ROS1: variants seen among roughly 807,000 people sequenced by gnomAD.
ROS1 encodes the protein proto-oncogene tyrosine-protein kinase ROS.
In ROS1, 263 loss-of-function variants were observed where a neutral mutation model predicts 273.5. The observed-to-expected ratio is 0.96, with a 90% CI of 0.87 to 1.06. ROS1 has a LOEUF of 1.06. Among genes scored for constraint, ROS1 ranks in the 50% least tolerant of loss-of-function variants. The probability of loss-of-function intolerance (pLI) is 0.00; values close to 1 mark genes in which losing one functional copy is unlikely to be tolerated. For synonymous variants in ROS1, 1,008 were observed against 954.1 expected (o/e 1.06, Z -1.04); for missense variants, 2,833 against 2,751.1 (o/e 1.03, Z -0.67).
chr6:117,331,387 G>A (rs529509521), intron 32 of ROS1, among the ~76,000 whole-genome samples: 42 of 152,256 alleles, frequency 2.8e-4, no homozygotes, highest in Non-Finnish European at 4.9e-4. Flanking sequence ...GGAGGAGATG[G>A]GGAAAATGGA....
intron 33 of ROS1, 147 bp from the exon 34 acceptor site, chr6:117,326,561 A>G (rs2128582917): frequency 3.7e-6 from 2 of 544,930 alleles, no homozygotes; most frequent in South Asian, 5.6e-5. Flanking sequence ...TAATCTGGCA[A>G]CACAGATGCT....
chr6:117,333,266 C>T (rs765565554), intron 32 of ROS1, among the ~76,000 whole-genome samples: 6 of 152,058 alleles, frequency 3.9e-5, no homozygotes, highest in Non-Finnish European at 8.8e-5. Context: ...GGATACATTC[C>T]TGGATGCATA....
intron 22 of ROS1, among the ~76,000 whole-genome samples, chr6:117,360,861 T>C (rs933361316): frequency 7.9e-5 from 12 of 152,096 alleles, no homozygotes; most frequent in Non-Finnish European, 1.8e-4. Flanking sequence ...TTAACAGAAA[T>C]AAAACTGTAC....
chr6:117,337,397 C>A, intron 31 of ROS1, 57 bp from the exon 32 acceptor site: 2 of 1,368,450 alleles, frequency 1.5e-6, no homozygotes, highest in Non-Finnish European at 2.0e-6. Flanking sequence ...ATTCTTAAAA[C>A]ACAAAAATGT....
At chr6:117,402,690 C>G (rs1774042398) in intron 7 of ROS1, among the ~76,000 whole-genome samples, 1 of 152,102 alleles carries the variant, frequency 6.6e-6, no homozygotes, top group Non-Finnish European at 1.5e-5. Context: ...GAATACAAGA[C>G]CAGCCTGGCC....
intron 31 of ROS1, 55 bp downstream of exon 31, chr6:117,341,080 A>G: frequency 8.6e-7 from 1 of 1,168,096 alleles, no homozygotes. Flanking sequence ...TGCATGAAAA[A>G]GCCCTTTCCA....
intron 32 of ROS1, among the ~76,000 whole-genome samples, chr6:117,335,682 T>C (rs1160217419): frequency 1.3e-5 from 2 of 152,202 alleles, no homozygotes; most frequent in Non-Finnish European, 2.9e-5. Context: ...TCATGTCCTT[T>C]GCAGGGACAT....
chr6:117,407,069 G>GA (rs3839367), intron 5 of ROS1, among the ~76,000 whole-genome samples: 41 of 149,762 alleles, frequency 2.7e-4, no homozygotes, highest in East Asian at 5.9e-4. Context: ...CCGTGACACA[G>GA]AAAAAAAAAA....
At chr6:117,377,955 G>A (rs1434383820) in intron 18 of ROS1, among the ~76,000 whole-genome samples, 3 of 152,162 alleles carry the variant, frequency 2.0e-5, no homozygotes, top group African/African-American at 4.8e-5. Context: ...CATCAGGGAA[G>A]TGCTGGTTAA....
At chr6:117,420,755 T>C (rs939550255) in intron 1 of ROS1, among the ~76,000 whole-genome samples, 3 of 152,082 alleles carry the variant, frequency 2.0e-5, no homozygotes, top group African/African-American at 7.2e-5. Context: ...ACTTAATTCA[T>C]AAGCTTCTGT....
At position 117,328,772 on chromosome 6, in the gene ROS1, T is replaced by C. The variant is rs9282841; in HGVS notation, c.5348+557A>G. 1.1e-3 allele frequency: 658 copies of C among 613,856 alleles called. 1 individual carries two copies. Among genetic ancestry groups the C allele is most frequent in the African/African-American group, 9.6e-3 (537 of 55,940 alleles). 38.0% of individuals were successfully genotyped at this position (613,856 alleles called of 1,614,324 possible). On this transcript the variant is annotated intron_variant, in intron 33 of 43. Transcript: ENST00000368507. ...CCCGTACTGGCCAGGTCTGAGGCTG[T>C]TCATCAGTGGCTGGTTTTCATCGAC...
chr6:117,370,947 G>T (rs1236501856), intron 18 of ROS1, among the ~76,000 whole-genome samples: 1 of 152,114 alleles, frequency 6.6e-6, no homozygotes, highest in Non-Finnish European at 1.5e-5. Context: ...AAGTGTAAAT[G>T]AACCAAATGC....
chr6:117,418,509 GA>G lies in ROS1; in HGVS notation c.124-4del. 6.3e-7 allele frequency: 1 copy of G among 1,599,174 alleles called. No homozygotes were observed. Among genetic ancestry groups the G allele is most frequent in the Non-Finnish European group, 8.5e-7 (1 of 1,174,494 alleles). ...GTGCCAAGGTCAAGCTGCTGGCCCT[GA>G]AATGAAGAAGGAGGTAGTAAACACC... is the stretch of plus-strand genomic sequence containing the variant. On this transcript the variant is annotated splice_polypyrimidine_tract_variant and splice_region_variant and intron_variant, in intron 1 of 43. Coordinates refer to ENST00000368507, the MANE Select transcript of ROS1 (RefSeq NM_001378902.1).
chr6:117,406,160 C>CAT (rs375705817), intron 5 of ROS1, among the ~76,000 whole-genome samples: 2,480 of 150,996 alleles, frequency 0.016, 58 homozygotes, highest in African/African-American at 0.056. Flanking sequence ...CTCTCTCTCT[C>CAT]ATATATATAT....
At chr6:117,343,107 G>A (rs1006628123) in intron 28 of ROS1, among the ~76,000 whole-genome samples, 2 of 150,976 alleles carry the variant, frequency 1.3e-5, no homozygotes, top group Admixed American at 6.6e-5. Context: ...TTAAAGCTTC[G>A]ATGTGCCGCC....
intron 42 of ROS1, among the ~76,000 whole-genome samples, chr6:117,307,094 T>C (rs1775162048): frequency 6.6e-6 from 1 of 152,210 alleles, no homozygotes; most frequent in African/African-American, 2.4e-5. Flanking sequence ...AATACTTTTC[T>C]AGCACTGCTC....
chr6:117,341,221 A>G lies in ROS1; in HGVS notation c.4975T>C (p.Leu1659=), dbSNP rs2128621686. The G allele has an allele frequency of 6.2e-7, 1 of 1,613,382 alleles. No individual in the cohort carries two copies. Among genetic ancestry groups the G allele is most frequent in the Non-Finnish European group, 8.5e-7 (1 of 1,179,462 alleles). Reference sequence around the variant, plus strand: ...TGCAAACTAGTGTTCTCTGGAACCAAGGAATAAGGTTTCTCTGGTGTGTTA... The same window carrying G: ...TGCAAACTAGTGTTCTCTGGAACCAGGGAATAAGGTTTCTCTGGTGTGTTA... The part of the protein sequence containing the change: ...MFNTPEKPYS[L]VPENTSLQFN... The change falls in exon 31 of 44, where the codon TTG becomes CTG. Residue 1659 remains leucine, a synonymous_variant. Transcript: ENST00000368507.
intron 42 of ROS1, among the ~76,000 whole-genome samples, chr6:117,308,087 T>C (rs1260457289): frequency 6.6e-6 from 1 of 152,150 alleles, no homozygotes; most frequent in Non-Finnish European, 1.5e-5. Flanking sequence ...ACTTCTTGGG[T>C]AAGACAATTC....
intron 35 of ROS1, among the ~76,000 whole-genome samples, chr6:117,323,082 AT>A (rs1462738844): frequency 6.6e-6 from 1 of 152,198 alleles, no homozygotes; most frequent in Non-Finnish European, 1.5e-5. Context: ...CTGCAGTCAT[AT>A]GCGTAAGTCT....
Sources: allele counts gnomAD v4.1 joint callset (sites outside exome capture counted in the v4.1 genomes callset), GRCh38; gene constraint gnomAD v4.1.1; transcripts MANE v1.5; gene names NCBI Gene and HGNC (gene_info 2026-07-23, HGNC 2026-07-21).